DNAH8: variants seen among roughly 807,000 people sequenced by gnomAD.
DNAH8 encodes axonemal beta dynein heavy chain 8.
DNAH8 carries 382 observed loss-of-function variants against 562.1 expected under a neutral mutation model. The ratio of observed to expected loss-of-function variants is 0.68; its 90% CI spans 0.63 to 0.74. The LOEUF is 0.74. Among genes scored for constraint, DNAH8 ranks in the 30% least tolerant of loss-of-function variants. The pLI, the probability that DNAH8 is intolerant of heterozygous loss-of-function variation, is 0.00. For missense variants in DNAH8, 5,203 were observed against 5,620.4 expected (o/e 0.93, Z 2.37); for synonymous variants, 1,881 against 1,919.4 (o/e 0.98, Z 0.52).
At chr6:38,728,273 A>C (rs1236280337) in intron 3 of DNAH8, among the ~76,000 whole-genome samples, 1 of 147,998 alleles carries the variant, frequency 6.8e-6, no homozygotes, top group Non-Finnish European at 1.5e-5. Context: ...TGGCCTACTT[A>C]AAGTCTTTTT....
At chr6:38,835,318 C>CA (rs35817690) in intron 32 of DNAH8, among the ~76,000 whole-genome samples, 60,580 of 134,102 alleles carry the variant, frequency 0.45, 12,993 homozygotes, top group African/African-American at 0.52. Flanking sequence ...TCTTAGTAAT[C>CA]AAAAAAAAAA....
chr6:38,911,433 T>G, intron 65 of DNAH8, 35 bp from the exon 66 acceptor site: 1 of 1,460,566 alleles, frequency 6.8e-7, no homozygotes. Flanking sequence ...GTACGCACAA[T>G]GATTGAAATG....
chr6:38,927,764 A>C (rs1464016481), intron 74 of DNAH8, among the ~76,000 whole-genome samples: 5 of 152,220 alleles, frequency 3.3e-5, no homozygotes, highest in African/African-American at 9.6e-5. Context: ...TCTTAGCTTT[A>C]TCTCTCCATT....
At chr6:38,759,579 C>T (rs1766295421) in intron 10 of DNAH8, among the ~76,000 whole-genome samples, 1 of 152,094 alleles carries the variant, frequency 6.6e-6, no homozygotes, top group Non-Finnish European at 1.5e-5. Flanking sequence ...TGATTCTTTG[C>T]TTGGCTTCTG....
chr6:38,724,608 A>G (rs761875320), intron 3 of DNAH8, among the ~76,000 whole-genome samples: 4 of 152,220 alleles, frequency 2.6e-5, no homozygotes, highest in African/African-American at 4.8e-5. Flanking sequence ...TTTTCCTGGC[A>G]TGATTAACAG....
chr6:38,919,897 A>C (rs1781576836), intron 70 of DNAH8, among the ~76,000 whole-genome samples: 3 of 152,218 alleles, frequency 2.0e-5, no homozygotes, highest in African/African-American at 7.2e-5. Context: ...GCATACATAC[A>C]CATGAAATTT....
At position 38,853,232 on chromosome 6, in the gene DNAH8, T is replaced by C. The variant is rs759541064; in HGVS notation, c.5618T>C (p.Leu1873Pro). 9 of 1,613,380 alleles carry C rather than the reference T, an allele frequency of 5.6e-6. No individual in the cohort carries two copies. The Admixed American group carries it at 1.5e-4, about 27-fold the overall frequency. ...AAAGGTCCTGTGGAGATTTGGCTACTGGATTTGTTAAAAATGCAGATGTCA... is the reference window on the plus strand; with the variant it reads ...AAAGGTCCTGTGGAGATTTGGCTACCGGATTTGTTAAAAATGCAGATGTCA... ...MAKGPVEIWL[L>P]DLLKMQMSSL... The change falls in exon 41 of 93, where the codon CTG becomes CCG. Residue 1873 changes from leucine (L) to proline (P), a missense_variant. By Grantham distance (98) the Leu-to-Pro change is moderately conservative. Around this residue, in one of 6 missense-constraint regions of DNAH8, gnomAD observed 2,176 missense variants for 2,365.1 expected, o/e 0.92. Transcript: ENST00000327475.
chr6:38,753,963 C>T (rs1765693917), intron 9 of DNAH8, among the ~76,000 whole-genome samples: 1 of 152,110 alleles, frequency 6.6e-6, no homozygotes, highest in Non-Finnish European at 1.5e-5. Flanking sequence ...ATTCCTTTTT[C>T]CCCCTCATTT....
At chr6:38,768,355 C>T (rs1283187778) in intron 11 of DNAH8, among the ~76,000 whole-genome samples, 1 of 152,152 alleles carries the variant, frequency 6.6e-6, no homozygotes, top group South Asian at 2.1e-4. Context: ...GCCTCCTTGA[C>T]CTCCTGGGCT....
chr6:38,906,479 A>C, intron 63 of DNAH8, 72 bp downstream of exon 63: 1 of 1,245,150 alleles, frequency 8.0e-7, no homozygotes, highest in East Asian at 2.6e-5. Context: ...AAAAGCAGCA[A>C]CCTTTCAAAA....
Position 38,822,890 on chromosome 6 carries a change from G to T in DNAH8, c.3576G>T (p.Gly1192=). 2 of 1,608,444 alleles carry T rather than the reference G, an allele frequency of 1.2e-6. No homozygotes were observed. The highest frequency in any genetic ancestry group is 1.1e-5 in the South Asian group (1 of 89,402). ...GGAAGCTGAAGAATTTTTACCCGGG[G>T]GTAGCGGAGCACAAGGATATTTCTA... ...PARKLKNFYP[G]VAEHKDISKL... The change falls in exon 27 of 93, where the codon GGG becomes GGT. Residue 1192 remains glycine, a synonymous_variant. Coordinates refer to ENST00000327475, the MANE Select transcript of DNAH8 (RefSeq NM_001206927.2).
Position 38,873,327 on chromosome 6 carries a change from T to TA in DNAH8, c.7574dup (p.Asn2525LysfsTer41), listed in dbSNP as rs1283806189. The stretch of plus-strand genomic sequence containing the variant: ...GAAGATACATACACATATATGAAGC[T>TA]AAATCTCAATCCCAAAATGCAGCTC... On this transcript the variant is annotated frameshift_variant, in exon 52 of 93. Coordinates refer to ENST00000327475, the MANE Select transcript of DNAH8 (RefSeq NM_001206927.2). LOFTEE classifies it high-confidence loss of function. 6.2e-7 allele frequency: 1 copy of TA among 1,612,434 alleles called. No homozygotes were observed. The highest frequency in any genetic ancestry group is 8.5e-7 in the Non-Finnish European group (1 of 1,179,688).
At chr6:38,932,215 C>CACACACACACACACAT (rs1199457741) in intron 76 of DNAH8, among the ~76,000 whole-genome samples, 82 of 150,690 alleles carry the variant, frequency 5.4e-4, no homozygotes, top group African/African-American at 1.9e-3. Flanking sequence ...CACACACACA[C>CACACACACACACACAT]ACCCGTCTCT....
rs187078437 is a variant in DNAH8 at position 38,961,639 on chromosome 6, T to G, written c.12452-9953T>G. Among the ~76,000 whole-genome samples, 806 of 152,142 alleles carry G rather than the reference T, an allele frequency of 5.3e-3. 8 individuals are homozygous for G. Among genetic ancestry groups the G allele is most frequent in the African/African-American group, 0.018 (759 of 41,558 alleles). On this transcript the variant is annotated intron_variant, in intron 82 of 92. Transcript: ENST00000327475. The stretch of plus-strand genomic sequence containing the variant: ...CTTGATGGGTGCTATAAAAGCCATT[T>G]TATAAAAATTCAACACTTATATTTG...
At chr6:38,971,458 T>C in intron 82 of DNAH8, 134 bp from the exon 83 acceptor site, 1 of 538,866 alleles carries the variant, frequency 1.9e-6, no homozygotes, top group Admixed American at 4.0e-5. Context: ...GCCAGGCCTG[T>C]TTGAACAGCA....
At chr6:38,918,178 T>A in intron 70 of DNAH8, 38 bp downstream of exon 70, 1 of 1,451,250 alleles carries the variant, frequency 6.9e-7, no homozygotes, top group Non-Finnish European at 9.5e-7. Context: ...AATCAATATT[T>A]CATAAAATCA....
intron 91 of DNAH8, among the ~76,000 whole-genome samples, chr6:39,019,251 C>T (rs1195322778): frequency 2.6e-5 from 4 of 152,036 alleles, no homozygotes; most frequent in African/African-American, 9.7e-5. Flanking sequence ...GGCGGCACCT[C>T]GCACACTGTA....
Position 38,954,722 on chromosome 6 carries a change from A to T in DNAH8, c.12451+3202A>T, listed in dbSNP as rs1482411812. ...CGTCTCAAAAAAAAAAAAAAAAAAAAAAAAAATAAATTACAGCATCTCATT... is the reference window on the plus strand; with the variant it reads ...CGTCTCAAAAAAAAAAAAAAAAAAATAAAAAATAAATTACAGCATCTCATT... On this transcript the variant is annotated intron_variant, in intron 82 of 92. Transcript: ENST00000327475. Among the ~76,000 whole-genome samples, 2 of 151,562 alleles carry T rather than the reference A, an allele frequency of 1.3e-5. 1 individual carries two copies. Among genetic ancestry groups the T allele is most frequent in the Non-Finnish European group, 2.9e-5 (2 of 67,946 alleles).
intron 29 of DNAH8, among the ~76,000 whole-genome samples, 196 bp from the exon 30 acceptor site, chr6:38,827,988 A>G (rs1773512124): frequency 6.6e-6 from 1 of 152,098 alleles, no homozygotes; most frequent in South Asian, 2.1e-4. Flanking sequence ...TGCAGATTTC[A>G]GAGCCTGTGA....
Sources: allele counts gnomAD v4.1 joint callset (sites outside exome capture counted in the v4.1 genomes callset), GRCh38; gene constraint gnomAD v4.1.1; regional missense constraint gnomAD v4.1.1; transcripts MANE v1.5; gene names NCBI Gene and HGNC (gene_info 2026-07-23, HGNC 2026-07-21).